Variants in AFDN observed in about 807,000 individuals in gnomAD.
AFDN encodes the protein afadin, adherens junction formation factor.
Under a neutral mutation model 216.6 loss-of-function variants are expected in AFDN, and 68 were observed. The observed-to-expected ratio is 0.31, with a 90% CI of 0.26 to 0.38. AFDN has a LOEUF of 0.38. Ranked by LOEUF, AFDN falls within the 10% of genes least tolerant of loss-of-function variation. The pLI is 1.00. For synonymous variants in AFDN, 868 were observed against 853.7 expected (o/e 1.02, Z -0.29); for missense variants, 2,136 against 2,342.0 (o/e 0.91, Z 1.82).
intron 12 of AFDN, among the ~76,000 whole-genome samples, chr6:167,903,061 C>T (rs1258025448): frequency 6.6e-6 from 1 of 152,194 alleles, no homozygotes; most frequent in Non-Finnish European, 1.5e-5. Context: ...AGTTTAGGTA[C>T]TAAATCCCAT....
intron 5 of AFDN, among the ~76,000 whole-genome samples, chr6:167,876,543 A>G (rs1156406246): frequency 6.6e-6 from 1 of 152,224 alleles, no homozygotes; most frequent in Non-Finnish European, 1.5e-5. Context: ...CTAACCACGT[A>G]CCAGACCTGA....
chr6:167,935,982 G>A (rs1793950699), intron 23 of AFDN, among the ~76,000 whole-genome samples: 1 of 151,860 alleles, frequency 6.6e-6, no homozygotes, highest in South Asian at 2.1e-4. Context: ...AGCTACATGG[G>A]GAATTTTCAG....
Position 167,888,227 on chromosome 6 carries a change from G to A in AFDN, c.898-988G>A, listed in dbSNP as rs1363803866. 3.9e-5 allele frequency among the ~76,000 whole-genome samples: 6 copies of A among 152,180 alleles called. No homozygotes were observed. The South Asian group carries it at 1.0e-3, about 26-fold the overall frequency. On this transcript the variant is annotated intron_variant, in intron 6 of 33. Coordinates refer to ENST00000683244, the MANE Select transcript of AFDN (RefSeq NM_001386888.1). ...AAGATTGGTTAATTTATGATAAGGT[G>A]TGTTACAGTCTATTTGTCTTTTTAA...
intron 31 of AFDN, chr6:167,963,352 C>T (rs1242435610): frequency 9.4e-7 from 1 of 1,059,900 alleles, no homozygotes; most frequent in Non-Finnish European, 1.1e-6. Context: ...AGAGAAGCTG[C>T]TCTTCTCTGT....
intron 1 of AFDN, among the ~76,000 whole-genome samples, chr6:167,829,607 T>G (rs1440725118): frequency 2.0e-5 from 3 of 152,194 alleles, no homozygotes; most frequent in African/African-American, 7.2e-5. Context: ...AAATAAGATT[T>G]AAGCCTTGTA....
chr6:167,934,566 C>A (rs899377295), intron 23 of AFDN, among the ~76,000 whole-genome samples: 7 of 152,224 alleles, frequency 4.6e-5, no homozygotes, highest in African/African-American at 9.6e-5. Flanking sequence ...GACTGAAATA[C>A]TTCTGGGCTC....
At chr6:167,942,974 C>T (rs1333616595) in intron 23 of AFDN, among the ~76,000 whole-genome samples, 155 bp from the exon 24 acceptor site, 2 of 152,210 alleles carry the variant, frequency 1.3e-5, no homozygotes, top group Non-Finnish European at 2.9e-5. Context: ...ACTGATTTTT[C>T]ATACTTGTAA....
rs1583083061 is a variant in AFDN at position 167,966,309 on chromosome 6, T to C, written c.5257+264T>C. On this transcript the variant is annotated intron_variant, in intron 32 of 33. Transcript: ENST00000683244. ...AGTGACAAATCAGCTCTCTTTGTCT[T>C]AATGATTGGAACCTCAGCATCTCTC... 2.1e-6 allele frequency: 3 copies of C among 1,434,048 alleles called. No homozygotes were observed. The East Asian group carries it at 8.8e-5, about 42-fold the overall frequency. The allele number at this position is 1,434,048 out of a possible 1,614,324, so 88.8% of individuals were successfully genotyped here.
At chr6:167,966,222 C>T in intron 32 of AFDN, 177 bp downstream of exon 32, 1 of 1,532,810 alleles carries the variant, frequency 6.5e-7, no homozygotes, top group Non-Finnish European at 8.7e-7. Context: ...AGGCCAGCCC[C>T]TGCCCCCTCC....
At chr6:167,924,068 A>T (rs548636320) in intron 22 of AFDN, among the ~76,000 whole-genome samples, 3 of 152,058 alleles carry the variant, frequency 2.0e-5, no homozygotes, top group Non-Finnish European at 2.9e-5. Flanking sequence ...TTATTCTAAG[A>T]TTCCTCAGGA....
chr6:167,916,069 A>G (rs998277931), intron 19 of AFDN, among the ~76,000 whole-genome samples: 1 of 152,236 alleles, frequency 6.6e-6, no homozygotes, highest in African/African-American at 2.4e-5. Context: ...TCAAGATGTC[A>G]GCAGGGTTGA....
intron 19 of AFDN, 34 bp downstream of exon 19, chr6:167,915,467 T>G: frequency 6.4e-7 from 1 of 1,573,654 alleles, no homozygotes; most frequent in Non-Finnish European, 8.6e-7. Context: ...GCTCATGTGC[T>G]TTATGATAAA....
intron 1 of AFDN, among the ~76,000 whole-genome samples, chr6:167,845,670 C>T (rs534102573): frequency 6.6e-6 from 1 of 152,310 alleles, no homozygotes; most frequent in South Asian, 2.1e-4. Context: ...GCCACCACGC[C>T]TGGCCTAAAT....
At chr6:167,957,918 C>T (rs1300974746) in intron 30 of AFDN, among the ~76,000 whole-genome samples, 1 of 152,204 alleles carries the variant, frequency 6.6e-6, no homozygotes, top group Non-Finnish European at 1.5e-5. Context: ...AGCACAAGGG[C>T]CTAAGCCAGC....
At chr6:167,836,201 G>A (rs919462183) in intron 1 of AFDN, among the ~76,000 whole-genome samples, 13 of 152,108 alleles carry the variant, frequency 8.5e-5, no homozygotes, top group African/African-American at 2.2e-4. Context: ...CCTACTTATG[G>A]GACATTTTCA....
At chr6:167,913,037 A>G (rs1225238965) in intron 15 of AFDN, among the ~76,000 whole-genome samples, 1 of 152,124 alleles carries the variant, frequency 6.6e-6, no homozygotes, top group Non-Finnish European at 1.5e-5. Context: ...GTACCTTTTA[A>G]GTAAGTAGTA....
intron 1 of AFDN, among the ~76,000 whole-genome samples, chr6:167,838,346 C>T (rs898430919): frequency 7.5e-6 from 1 of 134,020 alleles, no homozygotes; most frequent in Non-Finnish European, 1.6e-5. Flanking sequence ...AGTCCCTGTC[C>T]TCTTACTGGG....
rs913998332 is a variant in AFDN at position 167,851,879 on chromosome 6, T to TA, written c.106-12664dup. On this transcript the variant is annotated intron_variant, in intron 1 of 33. Coordinates refer to ENST00000683244, the MANE Select transcript of AFDN (RefSeq NM_001386888.1). ...TTCTTGAGTTTTTGTAGCGCATTTT[T>TA]AAAAAAAACAGGTTTACTTTATTTT... Among the ~76,000 whole-genome samples the TA allele has an allele frequency of 1.6e-4, 25 of 151,938 alleles. 1 individual carries two copies. The highest frequency in any genetic ancestry group is 5.9e-4 in the Admixed American group (9 of 15,262).
rs1779134504 is a variant in AFDN at position 167,826,927 on chromosome 6, G to C, written c.-206G>C. The C allele has an allele frequency of 6.9e-6, 1 of 145,672 alleles. No homozygotes were observed. The highest frequency in any genetic ancestry group is 1.5e-5 in the Non-Finnish European group (1 of 65,952). 9.0% of individuals were successfully genotyped at this position (145,672 alleles called of 1,614,324 possible). A position where few individuals can be genotyped will look rare whatever the true frequency, so the allele number is the denominator to read the frequency against. ...GCGCCGGGCGCACACCGGCCGGCGG[G>C]GCTGAGGCGGCGCGGCGCGGCGCGG... On this transcript the variant is annotated 5_prime_UTR_variant, in exon 1 of 34. Transcript: ENST00000683244.
Sources: allele counts gnomAD v4.1 joint callset (sites outside exome capture counted in the v4.1 genomes callset), GRCh38; gene constraint gnomAD v4.1.1; transcripts MANE v1.5; gene names NCBI Gene and HGNC (gene_info 2026-07-23, HGNC 2026-07-21).